FRMD3: variants seen among roughly 807,000 people sequenced by gnomAD.
The protein encoded by FRMD3 is FERM domain-containing protein 3.
In FRMD3, 33 loss-of-function variants were observed where a neutral mutation model predicts 70.2. The ratio of observed to expected loss-of-function variants is 0.47; its 90% CI spans 0.36 to 0.63. The LOEUF is 0.63. FRMD3 is among the 20% of genes least tolerant of loss of function. The pLI is 0.00. For missense variants in FRMD3, 632 were observed against 711.4 expected (o/e 0.89, Z 1.27); for synonymous variants, 279 against 255.9 (o/e 1.09, Z -0.86).
rs141194581 is a variant in FRMD3 at position 83,446,988 on chromosome 9, T to TTTTTGTTTTG, written c.148-57290_148-57281dup. ...CCTCCTCACAGACAGCAGATCAGGGTTTTTGTTTTGTTTTGTTTTGTTTTG... is the reference window on the plus strand; with the variant it reads ...CCTCCTCACAGACAGCAGATCAGGGTTTTTGTTTTGTTTTGTTTTGTTTTGTTTTGTTTTG... On this transcript the variant is annotated intron_variant, in intron 1 of 13. Transcript: ENST00000304195. Among the ~76,000 whole-genome samples the TTTTTGTTTTG allele has an allele frequency of 6.6e-3, 966 of 146,852 alleles. 5 individuals carry two copies. Among genetic ancestry groups the TTTTTGTTTTG allele is most frequent in the African/African-American group, 0.014 (562 of 39,362 alleles).
chr9:83,484,404 A>G (rs1828638361), intron 1 of FRMD3, among the ~76,000 whole-genome samples: 1 of 152,144 alleles, frequency 6.6e-6, no homozygotes, highest in Non-Finnish European at 1.5e-5. Context: ...GTACTTTACA[A>G]ATATACTGTC....
intron 13 of FRMD3, among the ~76,000 whole-genome samples, chr9:83,280,859 G>A (rs1294229055): frequency 6.6e-6 from 1 of 152,088 alleles, no homozygotes; most frequent in Non-Finnish European, 1.5e-5. Context: ...CCCTGCTCTG[G>A]AAGCCACAGC....
At chr9:83,508,314 T>C (rs1327062941) in intron 1 of FRMD3, among the ~76,000 whole-genome samples, 1 of 152,212 alleles carries the variant, frequency 6.6e-6, no homozygotes, top group Non-Finnish European at 1.5e-5. Context: ...GTGTTAGGCA[T>C]GCTGTGTTTC....
chr9:83,269,951 T>C (rs193044911), intron 13 of FRMD3, among the ~76,000 whole-genome samples: 1 of 152,304 alleles, frequency 6.6e-6, no homozygotes, highest in East Asian at 1.9e-4. Flanking sequence ...GCATTCTATA[T>C]TGCCTCAGCC....
chr9:83,272,499 C>A (rs1399446080), intron 13 of FRMD3, among the ~76,000 whole-genome samples: 1 of 152,154 alleles, frequency 6.6e-6, no homozygotes, highest in Non-Finnish European at 1.5e-5. Context: ...CCCAAAGTGC[C>A]GAGATTGCAG....
At chr9:83,263,310 C>T (rs1455863177) in intron 13 of FRMD3, among the ~76,000 whole-genome samples, 1 of 152,210 alleles carries the variant, frequency 6.6e-6, no homozygotes, top group African/African-American at 2.4e-5. Flanking sequence ...CTGATGATGG[C>T]ATCCTAAGTG....
At chr9:83,344,718 A>G (rs1823892072) in intron 4 of FRMD3, among the ~76,000 whole-genome samples, 1 of 152,162 alleles carries the variant, frequency 6.6e-6, no homozygotes, top group South Asian at 2.1e-4. Flanking sequence ...TCCAGGTTAC[A>G]GACAGCAGAT....
chr9:83,357,255 AT>A (rs1564032674), intron 3 of FRMD3, among the ~76,000 whole-genome samples: 1 of 34,898 alleles, frequency 2.9e-5, no homozygotes, highest in East Asian at 1.1e-3. Context: ...ACATATATAT[AT>A]ATATATATAT....
At chr9:83,272,007 C>T (rs939407724) in intron 13 of FRMD3, among the ~76,000 whole-genome samples, 11 of 152,158 alleles carry the variant, frequency 7.2e-5, no homozygotes, top group Non-Finnish European at 1.2e-4. Context: ...GGAAAGCCAA[C>T]AAGCATGATT....
chr9:83,459,559 C>T (rs1282192954), intron 1 of FRMD3, among the ~76,000 whole-genome samples: 4 of 152,244 alleles, frequency 2.6e-5, no homozygotes, highest in African/African-American at 9.6e-5. Flanking sequence ...TGCACATGCA[C>T]AGTTCACAAG....
chr9:83,443,098 A>C (rs752602279), intron 1 of FRMD3, among the ~76,000 whole-genome samples: 1 of 152,130 alleles, frequency 6.6e-6, no homozygotes, highest in East Asian at 1.9e-4. Context: ...ATCATAAATG[A>C]TTCTTATTAT....
At chr9:83,536,553 A>T (rs1235821682) in intron 1 of FRMD3, among the ~76,000 whole-genome samples, 2 of 152,214 alleles carry the variant, frequency 1.3e-5, no homozygotes, top group African/African-American at 4.8e-5. Context: ...AGTACATGCC[A>T]GATGCTTCTG....
intron 5 of FRMD3, among the ~76,000 whole-genome samples, chr9:83,336,396 T>C (rs1365153693): frequency 6.6e-6 from 1 of 150,748 alleles, no homozygotes; most frequent in Non-Finnish European, 1.5e-5. Flanking sequence ...GGATAGGAGG[T>C]GGTACCACCT....
chr9:83,398,782 T>C (rs1301130354), intron 1 of FRMD3, among the ~76,000 whole-genome samples: 1 of 152,222 alleles, frequency 6.6e-6, no homozygotes, highest in Non-Finnish European at 1.5e-5. Context: ...AAGGCGTTTT[T>C]GTGCCCAGTA....
chr9:83,298,620 T>G, intron 12 of FRMD3, 128 bp downstream of exon 12: 78 of 700,376 alleles, frequency 1.1e-4, no homozygotes, highest in Non-Finnish European at 1.7e-4. Flanking sequence ...TCTGTCTGAG[T>G]GAGATGTCTA....
intron 1 of FRMD3, among the ~76,000 whole-genome samples, chr9:83,394,613 C>CA (rs1412192713): frequency 1.3e-5 from 2 of 152,148 alleles, no homozygotes; most frequent in Non-Finnish European, 2.9e-5. Flanking sequence ...CTGATGCCCA[C>CA]AGTACCTTCT....
chr9:83,410,871 C>A lies in FRMD3; in HGVS notation c.148-21163G>T, dbSNP rs570811161. On this transcript the variant is annotated intron_variant, in intron 1 of 13. Coordinates refer to ENST00000304195, the MANE Select transcript of FRMD3 (RefSeq NM_174938.6). The stretch of plus-strand genomic sequence containing the variant: ...GCAACATATTTGCTCTGACTCGTCC[C>A]GGCTCACCTCAACTACAGACCAGAA... Among the ~76,000 whole-genome samples, 4 of 152,288 alleles carry A rather than the reference C, an allele frequency of 2.6e-5. No individual in the cohort carries two copies. The East Asian group carries it at 5.8e-4, about 22-fold the overall frequency.
intron 13 of FRMD3, among the ~76,000 whole-genome samples, chr9:83,255,109 A>G (rs1832638886): frequency 6.6e-6 from 1 of 152,202 alleles, no homozygotes; most frequent in Admixed American, 6.5e-5. Flanking sequence ...ATCCTTGATG[A>G]ACATTGATGC....
chr9:83,425,672 G>A (rs146999819), intron 1 of FRMD3, among the ~76,000 whole-genome samples: 23 of 152,238 alleles, frequency 1.5e-4, no homozygotes, highest in African/African-American at 5.1e-4. Context: ...ATGGGAGGCC[G>A]AGGCGGGAGG....
Sources: allele counts gnomAD v4.1 joint callset (sites outside exome capture counted in the v4.1 genomes callset), GRCh38; gene constraint gnomAD v4.1.1; transcripts MANE v1.5; gene names NCBI Gene and HGNC (gene_info 2026-07-23, HGNC 2026-07-21).